The following ONECUT2 variants were observed in gnomAD, a reference collection of about 807,000 sequenced individuals.
The protein encoded by ONECUT2 is one cut domain family member 2.
Under a neutral mutation model 27.9 loss-of-function variants are expected in ONECUT2, and 10 were observed. That is an observed-to-expected ratio of 0.36 (90% confidence interval 0.22 to 0.61). The LOEUF (loss-of-function observed/expected upper bound fraction) is 0.61. Ranked by LOEUF, ONECUT2 falls within the 20% of genes least tolerant of loss-of-function variation. The pLI is 0.73. For missense variants in ONECUT2, 686 were observed against 721.0 expected, an observed-to-expected ratio of 0.95 and a Z score of 0.56; for synonymous variants, 334 against 315.1, an observed-to-expected ratio of 1.06 and a Z score of -0.64.
rs1367277856 is a variant in ONECUT2, at chr18:57,486,764, CAGTTTCATATTTTGCTGAAGAA to C, written c.*10043_*10064del. 6 of 152,558 alleles carry C rather than the reference CAGTTTCATATTTTGCTGAAGAA, an allele frequency of 3.9e-5. No homozygotes were observed. Among genetic ancestry groups the C allele is most frequent in the Non-Finnish European group, 8.8e-5 (6 of 68,014 alleles). The allele number at this position is 152,558 out of a possible 1,614,324, so 9.5% of individuals were successfully genotyped here. On this transcript the variant is annotated 3_prime_UTR_variant, in exon 2 of 2. Transcript: ENST00000491143. ...AGTTGCAGAATGAGCCCAAAGTTTA[CAGTTTCATATTTTGCTGAAGAA>C]ACAATCTGTGTTCATTTGCTCTGTT...
rs745849413 is a variant in ONECUT2, at chr18:57,436,343, C to T, written c.627C>T (p.Asn209=). The stretch of plus-strand genomic sequence containing the variant: ...AGCGCGGGCTCCCGGCCATGAACAA[C>T]CTCTACAGTCCCTACAAGGAGATGC... The part of the protein sequence containing the change: ...RDERGLPAMN[N]LYSPYKEMPG... Residue 209 remains asparagine (N), a synonymous_variant, in exon 1 of 2, where the codon AAC becomes AAT. Transcript: ENST00000491143. This position sits in a 1 kb window ranked among gnomAD's most constrained non-coding sequence, Gnocchi z 5.9. 2 of 1,605,766 alleles carry T rather than the reference C, an allele frequency of 1.2e-6. No individual in the cohort carries two copies. Among genetic ancestry groups the T allele is most frequent in the Admixed American group, 3.3e-5 (2 of 59,984 alleles).
rs2050143800 is a variant in ONECUT2 at position 57,436,555 on chromosome 18, G to T, written c.839G>T (p.Gly280Val). The change falls in exon 1 of 2, where the codon GGC becomes GTC. Residue 280 changes from glycine to valine, a missense_variant. Physicochemically the swap from Gly to Val is moderately radical, Grantham distance 109 (BLOSUM62 -3). Around this residue, in one of 4 missense-constraint regions of ONECUT2, gnomAD observed 511 missense variants for 488.1 expected, o/e 1.05. Coordinates refer to ENST00000491143, the MANE Select transcript of ONECUT2 (RefSeq NM_004852.3). The surrounding 1 kb of genome is among the most constrained non-coding windows in gnomAD (Gnocchi z 5.9). Reference protein sequence around the residue: ...LTRGEQHLSRGLGTPPAAMMS... With the variant: ...LTRGEQHLSRVLGTPPAAMMS... ...CGCGGTGAGCAACACCTGTCCCGCG[G>T]CCTGGGCACCCCACCTGCGGCCATG... 2.5e-6 allele frequency: 4 copies of T among 1,611,702 alleles called. No homozygotes were observed. The East Asian group carries it at 8.9e-5, about 36-fold the overall frequency.
rs1186819507 is a variant in ONECUT2, at chr18:57,483,145, GA to G, written c.*6427del. On this transcript the variant is annotated 3_prime_UTR_variant, in exon 2 of 2. Coordinates refer to ENST00000491143, the MANE Select transcript of ONECUT2 (RefSeq NM_004852.3). ...GAAAAAAAAAAAAAGAAAAAACAAA[GA>G]AAAAGAAGAAAAAATAATAAAGTCA... 1 of 151,036 alleles carries G rather than the reference GA, an allele frequency of 6.6e-6. No homozygotes were observed. Among genetic ancestry groups the G allele is most frequent in the Non-Finnish European group, 1.5e-5 (1 of 67,672 alleles). The allele number at this position is 151,036 out of a possible 1,614,324, so 9.4% of individuals were successfully genotyped here.
At chr18:57,462,329 T>C (rs1192228969) in intron 1 of ONECUT2, among the ~76,000 whole-genome samples, 8 of 152,228 alleles carry the variant, frequency 5.3e-5, no homozygotes, top group African/African-American at 1.9e-4. Flanking sequence ...GACATATGTG[T>C]TTAAGATATC....
chr18:57,439,554 G>C (rs757338001), intron 1 of ONECUT2, among the ~76,000 whole-genome samples: 4 of 152,250 alleles, frequency 2.6e-5, no homozygotes, highest in Non-Finnish European at 4.4e-5. Flanking sequence ...AGTCTCTTCA[G>C]ACACTGATGC....
At chr18:57,438,422 C>T (rs918466777) in intron 1 of ONECUT2, among the ~76,000 whole-genome samples, 3 of 152,256 alleles carry the variant, frequency 2.0e-5, no homozygotes, top group Non-Finnish European at 2.9e-5. Context: ...CAGCCTCGCA[C>T]AGCTCGCTTC....
At position 57,476,833 on chromosome 18, in the gene ONECUT2, A is replaced by G. The variant is rs2122154534; in HGVS notation, c.*110A>G. 12 of 1,176,448 alleles carry G rather than the reference A, an allele frequency of 1.0e-5. No individual in the cohort carries two copies. Among genetic ancestry groups the G allele is most frequent in the Non-Finnish European group, 1.3e-5 (11 of 847,792 alleles). 72.9% of individuals were successfully genotyped at this position (1,176,448 alleles called of 1,614,324 possible). ...TCCTAGCTGGGGCCCTTCACTGGTGATTTGAAAGCACAATTCTCTTGCAAA... is the reference window on the plus strand; with the variant it reads ...TCCTAGCTGGGGCCCTTCACTGGTGGTTTGAAAGCACAATTCTCTTGCAAA... On this transcript the variant is annotated 3_prime_UTR_variant, in exon 2 of 2. Transcript: ENST00000491143.
At position 57,477,533 on chromosome 18, in the gene ONECUT2, C is replaced by T. The variant is rs1373206113; in HGVS notation, c.*810C>T. The T allele has an allele frequency of 2.6e-5, 4 of 152,538 alleles. No homozygotes were observed. Among genetic ancestry groups the T allele is most frequent in the Non-Finnish European group, 5.9e-5 (4 of 68,038 alleles). 9.4% of individuals were successfully genotyped at this position (152,538 alleles called of 1,614,324 possible). A position where few individuals can be genotyped will look rare whatever the true frequency, so the allele number is the denominator to read the frequency against. ...ACAGAAGTGAGGAAGGTTCTGGGTT[C>T]ACTACATCTGGATTTTCAAGACACC... On this transcript the variant is annotated 3_prime_UTR_variant, in exon 2 of 2. Coordinates refer to ENST00000491143, the MANE Select transcript of ONECUT2 (RefSeq NM_004852.3).
intron 1 of ONECUT2, among the ~76,000 whole-genome samples, chr18:57,466,107 G>GT (rs1224903912): frequency 1.3e-5 from 2 of 152,028 alleles, no homozygotes; most frequent in East Asian, 1.9e-4. Flanking sequence ...GTTTTGTTTT[G>GT]TTTTTTTGCC....
At chr18:57,462,667 G>A (rs929122258) in intron 1 of ONECUT2, among the ~76,000 whole-genome samples, 1 of 149,552 alleles carries the variant, frequency 6.7e-6, no homozygotes, top group African/African-American at 2.5e-5. Context: ...AGTACTTTTT[G>A]AGTACTAAGA....
At chr18:57,442,577 T>A (rs2050181506) in intron 1 of ONECUT2, among the ~76,000 whole-genome samples, 1 of 152,116 alleles carries the variant, frequency 6.6e-6, no homozygotes, top group African/African-American at 2.4e-5. Context: ...TAATCAGATA[T>A]GTAACTAAGG....
intron 1 of ONECUT2, among the ~76,000 whole-genome samples, chr18:57,450,121 T>C (rs2050222000): frequency 6.6e-6 from 1 of 152,208 alleles, no homozygotes; most frequent in East Asian, 1.9e-4. Flanking sequence ...TGGGTATGTT[T>C]ACTTACATCT....
At chr18:57,473,370 T>C (rs1365674039) in intron 1 of ONECUT2, among the ~76,000 whole-genome samples, 1 of 152,168 alleles carries the variant, frequency 6.6e-6, no homozygotes, top group East Asian at 1.9e-4. Flanking sequence ...TAGCTCAGAG[T>C]TACTGGGGTA....
intron 1 of ONECUT2, among the ~76,000 whole-genome samples, chr18:57,461,567 A>G (rs894305504): frequency 6.6e-6 from 1 of 152,224 alleles, no homozygotes; most frequent in Non-Finnish European, 1.5e-5. Flanking sequence ...CAAGACAGGA[A>G]AGGGAAGAAG....
chr18:57,452,989 G>GT (rs1402082777), intron 1 of ONECUT2, among the ~76,000 whole-genome samples: 1 of 152,172 alleles, frequency 6.6e-6, no homozygotes, highest in Non-Finnish European at 1.5e-5. Flanking sequence ...CAATGTCTAA[G>GT]TTTTTTTAAA....
chr18:57,472,437 C>T (rs766881158), intron 1 of ONECUT2, among the ~76,000 whole-genome samples: 1 of 152,214 alleles, frequency 6.6e-6, no homozygotes, highest in Non-Finnish European at 1.5e-5. Context: ...TAGCTCCTGA[C>T]CAACTGCTTT....
rs1489650139 is a variant in ONECUT2 at position 57,480,230 on chromosome 18, GT to G, written c.*3508del. 6.6e-6 allele frequency: 1 copy of G among 152,108 alleles called. No homozygotes were observed. Among genetic ancestry groups the G allele is most frequent in the Non-Finnish European group, 1.5e-5 (1 of 68,034 alleles). The allele number at this position is 152,108 out of a possible 1,614,324, so 9.4% of individuals were successfully genotyped here. A position where few individuals can be genotyped will look rare whatever the true frequency, so the allele number is the denominator to read the frequency against. On this transcript the variant is annotated 3_prime_UTR_variant, in exon 2 of 2. Coordinates refer to ENST00000491143, the MANE Select transcript of ONECUT2 (RefSeq NM_004852.3). ...GATTGTTCATTGGCTCTTCCCTTGT[GT>G]CCCTTTGTCCCTTGCTCATACTCCA...
rs576482301 is a variant in ONECUT2, at chr18:57,465,492, C to T, written c.1229-10945C>T. On this transcript the variant is annotated intron_variant, in intron 1 of 1. Coordinates refer to ENST00000491143, the MANE Select transcript of ONECUT2 (RefSeq NM_004852.3). Reference sequence around the variant, plus strand: ...CTTTTGTCTTACTACTTTTTCATTACATATGGTTACTTACAAATTGCTATT... The same window carrying T: ...CTTTTGTCTTACTACTTTTTCATTATATATGGTTACTTACAAATTGCTATT... 5.3e-4 allele frequency among the ~76,000 whole-genome samples: 80 copies of T among 152,328 alleles called. No homozygotes were observed. In the South Asian group the frequency reaches 6.4e-3, roughly 12 times the overall value.
chr18:57,472,694 A>T (rs554804861), intron 1 of ONECUT2, among the ~76,000 whole-genome samples: 3 of 152,160 alleles, frequency 2.0e-5, no homozygotes, highest in Admixed American at 6.5e-5. Context: ...TATCTTAAAT[A>T]TGTGTGTGTA....
Sources: gnomAD v4.1 joint callset for allele counts (sites outside exome capture counted in the v4.1 genomes callset) on GRCh38, gnomAD v4.1.1 for gene constraint, gnomAD v4.1.1 regional missense constraint, Gnocchi (gnomAD v3.1) non-coding constraint, MANE v1.5 for transcripts, NCBI Gene and HGNC (gene_info 2026-07-23, HGNC 2026-07-21) for gene names.